CPAMD8: variants seen among roughly 807,000 people sequenced by gnomAD.
The protein encoded by CPAMD8 is C3 and PZP like alpha-2-macroglobulin domain containing 8.
Under a neutral mutation model 224.7 loss-of-function variants are expected in CPAMD8, and 146 were observed. The observed-to-expected ratio is 0.65, with a 90% confidence interval of 0.57 to 0.75. CPAMD8 has a LOEUF of 0.75. Among genes scored for constraint, CPAMD8 ranks in the 30% least tolerant of loss-of-function variants. The pLI is 0.00. For missense variants in CPAMD8, 2,301 were observed against 2,537.5 expected, an observed-to-expected ratio of 0.91 and a Z score of 2.00; for synonymous variants, 966 against 1,044.6, an observed-to-expected ratio of 0.92 and a Z score of 1.45.
At chr19:17,012,166 G>C (rs565152095) in intron 3 of CPAMD8, among the ~76,000 whole-genome samples, 16 of 151,974 alleles carry the variant, frequency 1.1e-4, no homozygotes, top group African/African-American at 3.9e-4. Flanking sequence ...TTACAGGTGT[G>C]TGTCACCATG....
chr19:16,921,316 G>A (rs907575993), intron 27 of CPAMD8, among the ~76,000 whole-genome samples: 3 of 152,070 alleles, frequency 2.0e-5, no homozygotes, highest in Non-Finnish European at 4.4e-5. Context: ...GAAGGAGTCC[G>A]GCGATGGGTA....
chr19:16,967,358 A>C, intron 18 of CPAMD8, among the ~76,000 whole-genome samples: 1 of 140,072 alleles, frequency 7.1e-6, no homozygotes, highest in East Asian at 2.3e-4. Flanking sequence ...GGGCCGGGGG[A>C]GGGATAGCAT....
At chr19:16,920,855 C>CA (rs200039066) in intron 27 of CPAMD8, among the ~76,000 whole-genome samples, 3,614 of 117,968 alleles carry the variant, frequency 0.031, 224 homozygotes, top group African/African-American at 0.13. Flanking sequence ...GACTCTATCT[C>CA]AAAAAAAAAA....
chr19:16,979,104 C>T (rs1313014742), intron 14 of CPAMD8, among the ~76,000 whole-genome samples: 2 of 151,200 alleles, frequency 1.3e-5, no homozygotes, highest in Non-Finnish European at 3.0e-5. Context: ...CACCCACTAT[C>T]CATCCATCTA....
At chr19:16,945,323 A>G (rs1042903114) in intron 22 of CPAMD8, among the ~76,000 whole-genome samples, 1 of 152,270 alleles carries the variant, frequency 6.6e-6, no homozygotes, top group African/African-American at 2.4e-5. Flanking sequence ...AAGAGTCCCA[A>G]GCTGCTTTAC....
At chr19:16,938,110 C>T (rs2053757783) in intron 23 of CPAMD8, among the ~76,000 whole-genome samples, 1 of 152,024 alleles carries the variant, frequency 6.6e-6, no homozygotes, top group Admixed American at 6.5e-5. Flanking sequence ...TGCTTGGTGC[C>T]TGCAGTGCAC....
At chr19:16,972,324 C>T (rs1358559997) in intron 17 of CPAMD8, among the ~76,000 whole-genome samples, 1 of 152,120 alleles carries the variant, frequency 6.6e-6, no homozygotes, top group Non-Finnish European at 1.5e-5. Flanking sequence ...CCACCATGCC[C>T]GGCTATGCAA....
intron 18 of CPAMD8, among the ~76,000 whole-genome samples, chr19:16,958,194 G>T (rs1319822640): frequency 6.6e-6 from 1 of 152,010 alleles, no homozygotes. Flanking sequence ...TGTGTCATGG[G>T]GGTTTGTTGT....
chr19:16,980,617 C>T lies in CPAMD8; in HGVS notation c.1465G>A (p.Ala489Thr), dbSNP rs1330731607. The change falls in exon 14 of 42, where the codon GCT becomes ACT. Residue 489 changes from alanine (A) to threonine (T), a missense_variant. Ala to Thr is a moderately conservative substitution (Grantham distance 58, BLOSUM62 0). Coordinates refer to ENST00000443236, the MANE Select transcript of CPAMD8 (RefSeq NM_015692.5). ...PCNFTLYYEVAARGNIVLSGQ... is the reference protein window; with the variant it reads ...PCNFTLYYEVTARGNIVLSGQ... The stretch of plus-strand genomic sequence containing the variant: ...GATAGCACAATATTGCCCCGTGCAG[C>T]CACCTCGTAGTACAGGGTAAAGTTG... 5 of 1,608,670 alleles carry T rather than the reference C, an allele frequency of 3.1e-6. No individual in the cohort carries two copies. Among genetic ancestry groups the T allele is most frequent in the Non-Finnish European group, 3.4e-6 (4 of 1,177,948 alleles).
At chr19:17,020,070 G>C (rs2056914994) in intron 3 of CPAMD8, among the ~76,000 whole-genome samples, 1 of 149,874 alleles carries the variant, frequency 6.7e-6, no homozygotes, top group Non-Finnish European at 1.5e-5. Context: ...CGCCTCCCAG[G>C]TTCAAGCGAT....
In CPAMD8 at chr19:16,957,919, T is replaced by C. The variant is rs747272747; in HGVS notation, c.2214-4A>G. 3.7e-6 allele frequency: 6 copies of C among 1,611,706 alleles called. No homozygotes were observed. Among genetic ancestry groups the C allele is most frequent in the South Asian group, 3.3e-5 (3 of 90,566 alleles). ...AGTCCTTTTTCTCTTCTCTGTTCTA[T>C]GAAAAGAAAAAAAGAAACGATTAAG... On this transcript the variant is annotated splice_region_variant and splice_polypyrimidine_tract_variant and intron_variant, in intron 18 of 41. Transcript: ENST00000443236.
At chr19:16,904,402 G>T (rs933213085) in intron 31 of CPAMD8, 40 bp from the exon 32 acceptor site, 1 of 1,613,844 alleles carries the variant, frequency 6.2e-7, no homozygotes, top group Non-Finnish European at 8.5e-7. Flanking sequence ...TTGACACAGG[G>T]ACATGGACCC....
In CPAMD8 at chr19:16,893,080, G is replaced by A. The variant is rs377613413; in HGVS notation, c.*28C>T. The A allele has an allele frequency of 1.9e-5, 19 of 1,014,058 alleles. No homozygotes were observed. Among genetic ancestry groups the A allele is most frequent in the African/African-American group, 1.3e-4 (8 of 63,874 alleles). The allele number at this position is 1,014,058 out of a possible 1,614,324, so 62.8% of individuals were successfully genotyped here. A position where few individuals can be genotyped will look rare whatever the true frequency, so the allele number is the denominator to read the frequency against. The stretch of plus-strand genomic sequence containing the variant: ...TGAATGGTCCCCAGGACCAAACTGC[G>A]GTCCCACAACTGCATGTGGTTGTAG... On this transcript the variant is annotated 3_prime_UTR_variant, in exon 42 of 42. Coordinates refer to ENST00000443236, the MANE Select transcript of CPAMD8 (RefSeq NM_015692.5).
intron 17 of CPAMD8, 76 bp downstream of exon 17, chr19:16,975,021 G>A (rs1298619951): frequency 6.6e-7 from 1 of 1,508,600 alleles, no homozygotes; most frequent in African/African-American, 1.4e-5. Context: ...ACCCATTTCT[G>A]AATCTCCAAG....
intron 3 of CPAMD8, among the ~76,000 whole-genome samples, chr19:17,019,527 C>T (rs374126467): frequency 1.3e-5 from 2 of 151,532 alleles, no homozygotes; most frequent in South Asian, 2.1e-4. Context: ...ACTGGATTAT[C>T]GGTGGATTTC....
intron 7 of CPAMD8, among the ~76,000 whole-genome samples, 159 bp from the exon 8 acceptor site, chr19:17,004,545 C>A (rs935977650): frequency 2.0e-5 from 3 of 151,960 alleles, no homozygotes; most frequent in African/African-American, 7.3e-5. Flanking sequence ...CAGAGCAGCA[C>A]CCTGTAGGAT....
chr19:16,896,654 C>T lies in CPAMD8; in HGVS notation c.5077G>A (p.Gly1693Ser). Residue 1693 changes from glycine to serine, a missense_variant, in exon 40 of 42, where the codon GGC becomes AGC. Physicochemically the swap from Gly to Ser is moderately conservative, Grantham distance 56 (BLOSUM62 0). This residue lies in a region of CPAMD8 where 1,709 missense variants were observed against 1,753.2 expected (regional missense o/e 0.97). Coordinates refer to ENST00000443236, the MANE Select transcript of CPAMD8 (RefSeq NM_015692.5). ...APARGPGWFP[G>S]ESGPAVAPEE... Reference sequence around the variant, plus strand: ...GGGGCCACGGCAGGGCCCGACTCGCCGGGGAACCAGCCTGGGGGACGAGGC... The same window carrying T: ...GGGGCCACGGCAGGGCCCGACTCGCTGGGGAACCAGCCTGGGGGACGAGGC... 2.0e-6 allele frequency: 3 copies of T among 1,465,564 alleles called. No individual in the cohort carries two copies. The highest frequency in any genetic ancestry group is 1.3e-5 in the South Asian group (1 of 75,274). 90.8% of individuals were successfully genotyped at this position (1,465,564 alleles called of 1,614,324 possible).
At chr19:16,936,427 G>A (rs1390943482) in intron 23 of CPAMD8, among the ~76,000 whole-genome samples, 1 of 151,976 alleles carries the variant, frequency 6.6e-6, no homozygotes, top group Non-Finnish European at 1.5e-5. Flanking sequence ...TGTTGAGATG[G>A]AGTCTCATTC....
chr19:16,982,731 A>G (rs1027917282), intron 13 of CPAMD8, among the ~76,000 whole-genome samples: 4 of 151,948 alleles, frequency 2.6e-5, no homozygotes, highest in Non-Finnish European at 5.9e-5. Flanking sequence ...CCAGCTATCT[A>G]GGGGGGCTGA....
Sources: allele counts gnomAD v4.1 joint callset (sites outside exome capture counted in the v4.1 genomes callset), GRCh38; gene constraint gnomAD v4.1.1; regional missense constraint gnomAD v4.1.1; transcripts MANE v1.5; gene names NCBI Gene and HGNC (gene_info 2026-07-23, HGNC 2026-07-21).